LY75: variants seen among roughly 807,000 people sequenced by gnomAD.
LY75 encodes the protein C-type lectin domain family 13 member B.
Under a neutral mutation model 231.7 loss-of-function variants are expected in LY75, and 185 were observed. That is an observed-to-expected ratio of 0.80 (90% CI 0.71 to 0.90). The LOEUF (loss-of-function observed/expected upper bound fraction) is 0.90. LY75 is among the 40% of genes least tolerant of loss of function. The probability of loss-of-function intolerance (pLI) is 0.00; values close to 1 mark genes in which losing one functional copy is unlikely to be tolerated. For synonymous variants in LY75, 668 were observed against 689.0 expected, an observed-to-expected ratio of 0.97 and a Z score of 0.48; for missense variants, 1,947 against 2,050.2, an observed-to-expected ratio of 0.95 and a Z score of 0.97.
At chr2:159,850,799 T>TAA (rs1491206351) in intron 21 of LY75, among the ~76,000 whole-genome samples, 2 of 105,382 alleles carry the variant, frequency 1.9e-5, no homozygotes, top group Non-Finnish European at 3.9e-5. Context: ...TATATATATA[T>TAA]TATATCTTAT....
At chr2:159,850,579 G>T in intron 21 of LY75, 112 bp from the exon 22 acceptor site, 1 of 1,380,114 alleles carries the variant, frequency 7.2e-7, no homozygotes. Flanking sequence ...TGTGAGATAT[G>T]GTAATTTGCA....
chr2:159,898,239 C>A (rs995522136), intron 2 of LY75, among the ~76,000 whole-genome samples: 1 of 152,280 alleles, frequency 6.6e-6, no homozygotes, highest in East Asian at 1.9e-4. Flanking sequence ...CTCAGTCTCT[C>A]GAGAAGCTGG....
In LY75 at chr2:159,853,291, C is replaced by G. The variant is rs537431603; in HGVS notation, c.2725G>C (p.Ala909Pro). ...ACTTTACCGATAAGCCAAGTCTTGG[C>G]AGACATGTACAAGCATTCCTCTCCA... ...TFGEECLYMS[A>P]KTWLIDLGKP... The change falls in exon 20 of 35, where the codon GCC becomes CCC. Residue 909 changes from alanine (A) to proline (P), a missense_variant. Transcript: ENST00000263636. The G allele has an allele frequency of 6.2e-7, 1 of 1,612,672 alleles. No individual in the cohort carries two copies. Among genetic ancestry groups the G allele is most frequent in the South Asian group, 1.1e-5 (1 of 90,918 alleles).
intron 28 of LY75, among the ~76,000 whole-genome samples, chr2:159,829,097 T>C (rs1683569892): frequency 6.6e-6 from 1 of 152,170 alleles, no homozygotes; most frequent in Admixed American, 6.5e-5. Flanking sequence ...CATATTACAA[T>C]TATAAATTGG....
intron 29 of LY75, among the ~76,000 whole-genome samples, chr2:159,817,802 T>C (rs1274082068): frequency 1.3e-5 from 2 of 151,964 alleles, no homozygotes; most frequent in African/African-American, 4.8e-5. Context: ...AATCCCAGCA[T>C]TTTGGGAGGC....
intron 8 of LY75, 47 bp downstream of exon 8, chr2:159,881,035 AT>A (rs1209190550): frequency 6.3e-7 from 1 of 1,578,092 alleles, no homozygotes; most frequent in African/African-American, 1.4e-5. Flanking sequence ...TAATATTATC[AT>A]TAGGTAAAAC....
intron 1 of LY75, chr2:159,903,669 C>G (rs1686145839): frequency 6.6e-6 from 1 of 152,254 alleles, no homozygotes; most frequent in Non-Finnish European, 1.5e-5. Flanking sequence ...CAATCTTTTC[C>G]TTCCTCATAC....
rs766442692 is a variant in LY75, at chr2:159,854,504, T to C, written c.2451A>G (p.Ile817Met). ...CAAACCAATATTCACTTCCTTCAAT[T>C]ATAAGTGGAGGTCCATGAATTCCAG... ...DRAGIHGPPL[I>M]IEGSEYWFVA... Residue 817 changes from isoleucine (I) to methionine (M), a missense_variant, in exon 18 of 35, where the codon ATA becomes ATG. Ile to Met is a conservative substitution (Grantham distance 10). Transcript: ENST00000263636. 7.4e-6 allele frequency: 12 copies of C among 1,612,846 alleles called. No individual in the cohort carries two copies. The South Asian group carries it at 1.2e-4, about 16-fold the overall frequency.
At chr2:159,829,755 TATGTCCCTC>T (rs1197775257) in intron 28 of LY75, among the ~76,000 whole-genome samples, 1 of 152,162 alleles carries the variant, frequency 6.6e-6, no homozygotes, top group Non-Finnish European at 1.5e-5. Flanking sequence ...TGTCTTTCTA[TATGTCCCTC>T]ATATGCCTGT....
Position 159,860,680 on chromosome 2 carries a change from G to T in LY75, c.2268+141C>A. The T allele has an allele frequency of 4.4e-6, 4 of 918,738 alleles. 1 individual carries two copies. Among genetic ancestry groups the T allele is most frequent in the South Asian group, 3.4e-5 (2 of 59,126 alleles). 56.9% of individuals were successfully genotyped at this position (918,738 alleles called of 1,614,324 possible). On this transcript the variant is annotated intron_variant, in intron 15 of 34. Transcript: ENST00000263636. ...TGAAGTGTAAGTTAGGCTGCTGAGG[G>T]CCAGGCCATGGGTGTGCTTATCTCT... is the stretch of plus-strand genomic sequence containing the variant.
intron 5 of LY75, 96 bp downstream of exon 5, chr2:159,886,324 C>G: frequency 1.6e-5 from 21 of 1,319,594 alleles, no homozygotes; most frequent in Non-Finnish European, 2.0e-5. Context: ...TAAGAGCTGC[C>G]AAGATGTGAA....
chr2:159,858,375 G>A lies in LY75; in HGVS notation c.2370C>T (p.Cys790=), dbSNP rs754565472. 1 of 1,612,664 alleles carries A rather than the reference G, an allele frequency of 6.2e-7. No homozygotes were observed. Among genetic ancestry groups the A allele is most frequent in the South Asian group, 1.1e-5 (1 of 90,832 alleles). The change falls in exon 16 of 35, where the codon TGC becomes TGT. Residue 790 remains cysteine (C), a synonymous_variant. Coordinates refer to ENST00000263636, the MANE Select transcript of LY75 (RefSeq NM_002349.4). Reference sequence around the variant, plus strand: ...ACTACCACTTACCTTTTGGAATTTGGCACACCCATTCAAGTTTTGTATCAC... The same window carrying A: ...ACTACCACTTACCTTTTGGAATTTGACACACCCATTCAAGTTTTGTATCAC... ...FACDTKLEWV[C]QIPKGRTPKT... is the part of the protein sequence containing the mutation.
chr2:159,848,604 A>G (rs1359403199), intron 23 of LY75, among the ~76,000 whole-genome samples: 2 of 152,208 alleles, frequency 1.3e-5, no homozygotes, highest in Admixed American at 6.5e-5. Context: ...TACTTATGAT[A>G]TAATACAAAC....
chr2:159,858,577 G>T, intron 15 of LY75, 101 bp from the exon 16 acceptor site: 1 of 1,282,016 alleles, frequency 7.8e-7, no homozygotes, highest in Non-Finnish European at 1.0e-6. Context: ...TTTAGCTCTA[G>T]CACCTAAGAT....
intron 25 of LY75, among the ~76,000 whole-genome samples, chr2:159,835,975 C>T (rs1350436698): frequency 6.6e-6 from 1 of 152,148 alleles, no homozygotes; most frequent in Non-Finnish European, 1.5e-5. Flanking sequence ...AGTCTATGTC[C>T]TAACCATTAT....
chr2:159,831,872 A>G (rs2125841377), intron 27 of LY75, 86 bp from the exon 28 acceptor site: 1 of 1,053,942 alleles, frequency 9.5e-7, no homozygotes. Flanking sequence ...TTTAGTTCTC[A>G]GTTTAATATA....
At chr2:159,839,259 ACC>A (rs1184399554) in intron 25 of LY75, among the ~76,000 whole-genome samples, 1 of 152,096 alleles carries the variant, frequency 6.6e-6, no homozygotes, top group Non-Finnish European at 1.5e-5. Flanking sequence ...GCATCCCTAG[ACC>A]CATCCTGGTA....
At position 159,815,565 on chromosome 2, in the gene LY75, T is replaced by C. The variant is rs905475479; in HGVS notation, c.4389A>G (p.Glu1463=). 18 of 1,611,740 alleles carry C rather than the reference T, an allele frequency of 1.1e-5. No homozygotes were observed. Among genetic ancestry groups the C allele is most frequent in the Non-Finnish European group, 1.4e-5 (17 of 1,179,540 alleles). The change falls in exon 31 of 35, where the codon GAA becomes GAG. Residue 1463 remains glutamate, a synonymous_variant. Transcript: ENST00000263636. ...WVGLSSHDGS[E]SSFEWSDGST... ...TACCATCAGACCATTCAAAACTTGA[T>C]TCACTTCCCTGTTGTAAGAACAATA...
chr2:159,833,324 C>T (rs1445360569), intron 27 of LY75, among the ~76,000 whole-genome samples: 1 of 152,064 alleles, frequency 6.6e-6, no homozygotes, highest in Non-Finnish European at 1.5e-5. Context: ...ACTATGTTGC[C>T]CAGGCTGGTC....
Sources: gnomAD v4.1 joint callset for allele counts (sites outside exome capture counted in the v4.1 genomes callset) on GRCh38, gnomAD v4.1.1 for gene constraint, MANE v1.5 for transcripts, NCBI Gene and HGNC (gene_info 2026-07-23, HGNC 2026-07-21) for gene names.